The following NELL2 variants were observed in gnomAD, a reference collection of about 807,000 sequenced individuals.
The protein encoded by NELL2 is protein kinase C-binding protein NELL2.
In NELL2, 41 loss-of-function variants were observed where a neutral mutation model predicts 109.6. The ratio of observed to expected loss-of-function variants is 0.37; its 90% confidence interval spans 0.29 to 0.49. The LOEUF (loss-of-function observed/expected upper bound fraction) is 0.49, where lower values mean the gene tolerates loss of function less well. Ranked by LOEUF, NELL2 falls within the 20% of genes least tolerant of loss-of-function variation. The pLI is 0.98. For missense variants in NELL2, 900 were observed against 1,008.3 expected, an observed-to-expected ratio of 0.89 and a Z score of 1.45; for synonymous variants, 355 against 344.7, an observed-to-expected ratio of 1.03 and a Z score of -0.33.
chr12:44,591,582 G>C (rs1161176668), intron 15 of NELL2, among the ~76,000 whole-genome samples: 1 of 152,162 alleles, frequency 6.6e-6, no homozygotes, highest in East Asian at 1.9e-4. Flanking sequence ...TTTCACAGAA[G>C]TGGAGAGTAG....
intron 12 of NELL2, among the ~76,000 whole-genome samples, chr12:44,698,338 C>T (rs977031884): frequency 8.5e-5 from 13 of 152,142 alleles, no homozygotes; most frequent in African/African-American, 2.7e-4. Context: ...AGGTGACCTG[C>T]TCAGGGCTAA....
chr12:44,753,290 C>T (rs148589440), intron 9 of NELL2, among the ~76,000 whole-genome samples: 7 of 152,248 alleles, frequency 4.6e-5, no homozygotes, highest in South Asian at 4.1e-4. Flanking sequence ...GTAAGCTCTA[C>T]GCAGGCCAGA....
intron 9 of NELL2, among the ~76,000 whole-genome samples, chr12:44,764,141 G>T (rs541539461): frequency 1.3e-5 from 2 of 152,090 alleles, no homozygotes; most frequent in Non-Finnish European, 2.9e-5. Context: ...AGAAGAATTC[G>T]ACATTATCAC....
At chr12:44,617,928 T>C (rs1411747329) in intron 13 of NELL2, among the ~76,000 whole-genome samples, 1 of 152,146 alleles carries the variant, frequency 6.6e-6, no homozygotes, top group Non-Finnish European at 1.5e-5. Flanking sequence ...CAATCTTTTC[T>C]GAAATCAAAT....
chr12:44,842,700 T>C (rs2136755048), intron 2 of NELL2, among the ~76,000 whole-genome samples: 1 of 152,280 alleles, frequency 6.6e-6, no homozygotes, highest in East Asian at 1.9e-4. Context: ...CCACTGGAAC[T>C]TCAGAATGTG....
intron 5 of NELL2, among the ~76,000 whole-genome samples, chr12:44,778,924 A>G (rs1185731526): frequency 2.0e-5 from 3 of 152,142 alleles, no homozygotes; most frequent in Non-Finnish European, 4.4e-5. Context: ...CTGGTATGTG[A>G]TCTACCTTGA....
intron 2 of NELL2, among the ~76,000 whole-genome samples, chr12:44,819,078 T>A (rs1017634219): frequency 6.6e-6 from 1 of 152,132 alleles, no homozygotes; most frequent in Non-Finnish European, 1.5e-5. Context: ...TGTTTTCAGA[T>A]GAAATGACAA....
chr12:44,645,502 T>A (rs1863319750), intron 13 of NELL2, among the ~76,000 whole-genome samples: 1 of 152,142 alleles, frequency 6.6e-6, no homozygotes, highest in Admixed American at 6.5e-5. Flanking sequence ...AAGGGTGGCC[T>A]CAGTGTCCAT....
At chr12:44,527,004 A>G (rs553727902) in intron 16 of NELL2, among the ~76,000 whole-genome samples, 1 of 152,320 alleles carries the variant, frequency 6.6e-6, no homozygotes, top group Non-Finnish European at 1.5e-5. Flanking sequence ...CATTTTCCCT[A>G]TCTCGACTTG....
chr12:44,697,164 A>G (rs966871834), intron 12 of NELL2, among the ~76,000 whole-genome samples: 1 of 152,230 alleles, frequency 6.6e-6, no homozygotes, highest in African/African-American at 2.4e-5. Flanking sequence ...CACTTCTAAT[A>G]TTAAACATGG....
chr12:44,792,543 CATAA>C (rs1942473326), intron 3 of NELL2, among the ~76,000 whole-genome samples: 1 of 151,868 alleles, frequency 6.6e-6, no homozygotes, highest in African/African-American at 2.4e-5. Flanking sequence ...GAAAAGACAC[CATAA>C]ATAAACAACC....
At chr12:44,686,432 C>A (rs565108636) in intron 12 of NELL2, among the ~76,000 whole-genome samples, 17 of 152,214 alleles carry the variant, frequency 1.1e-4, no homozygotes, top group East Asian at 1.9e-4. Flanking sequence ...GTCATTCTCC[C>A]TCCAGCTTTA....
intron 12 of NELL2, among the ~76,000 whole-genome samples, chr12:44,682,311 G>T (rs906037692): frequency 1.3e-5 from 2 of 150,698 alleles, no homozygotes; most frequent in Admixed American, 1.3e-4. Flanking sequence ...GTAGATTCTG[G>T]GTATTAGCCC....
chr12:44,763,450 G>A (rs984487754), intron 9 of NELL2, among the ~76,000 whole-genome samples: 1 of 152,068 alleles, frequency 6.6e-6, no homozygotes, highest in African/African-American at 2.4e-5. Context: ...GCATAATAAA[G>A]GATTAGCCTC....
chr12:44,610,816 A>G (rs1032586024), intron 14 of NELL2, 32 bp downstream of exon 14: 10 of 1,612,254 alleles, frequency 6.2e-6, no homozygotes, highest in Non-Finnish European at 8.5e-6. Context: ...ATTATACATA[A>G]TGGAAGAGGC....
chr12:44,774,562 TA>T lies in NELL2; in HGVS notation c.994+184del, dbSNP rs1941673832. On this transcript the variant is annotated intron_variant, in intron 9 of 19. Transcript: ENST00000429094. ...CCAAGAAAAAATTGTCCTACTGGAA[TA>T]GGGGCATAGCATTTTAAAATGGAAA... is the stretch of plus-strand genomic sequence containing the variant. 2.8e-5 allele frequency: 16 copies of T among 577,532 alleles called. 1 individual carries two copies. The South Asian group carries it at 3.1e-4, about 11-fold the overall frequency. 35.8% of individuals were successfully genotyped at this position (577,532 alleles called of 1,614,324 possible).
chr12:44,559,935 C>T (rs909103509), intron 15 of NELL2, among the ~76,000 whole-genome samples: 2 of 152,096 alleles, frequency 1.3e-5, no homozygotes, highest in African/African-American at 4.8e-5. Context: ...GAAGTAAAAA[C>T]TCCTCAGCAA....
At chr12:44,722,563 C>T (rs1432727262) in intron 9 of NELL2, among the ~76,000 whole-genome samples, 1 of 152,122 alleles carries the variant, frequency 6.6e-6, no homozygotes. Flanking sequence ...TGGGCACATG[C>T]ACAGGTAACT....
chr12:44,705,206 A>G (rs1250213022), intron 11 of NELL2, among the ~76,000 whole-genome samples: 1 of 152,094 alleles, frequency 6.6e-6, no homozygotes, highest in Non-Finnish European at 1.5e-5. Context: ...CATACTCCCT[A>G]TTAATGCAAC....
Sources: gnomAD v4.1 joint callset for allele counts (sites outside exome capture counted in the v4.1 genomes callset) on GRCh38, gnomAD v4.1.1 for gene constraint, MANE v1.5 for transcripts, NCBI Gene and HGNC (gene_info 2026-07-23, HGNC 2026-07-21) for gene names.